Variants in OR6Y1 observed in about 807,000 individuals in gnomAD.
The protein encoded by OR6Y1 is olfactory receptor 6Y1.
In OR6Y1, 1 loss-of-function variant was observed where a neutral mutation model predicts 0.4. The ratio of observed to expected loss-of-function variants is 2.74; its 90% CI spans 0.97 to 13.02. OR6Y1 has a LOEUF of 13.02. Among genes scored for constraint, OR6Y1 ranks in the 30% most tolerant of loss-of-function variants. OR6Y1 has a pLI of 0.12. For synonymous variants in OR6Y1, 173 were observed against 141.1 expected (o/e 1.23, Z -1.60); for missense variants, 480 against 399.8 (o/e 1.20, Z -1.71).
intron 1 of OR6Y1, among the ~76,000 whole-genome samples, chr1:158,553,491 G>C (rs966128533): frequency 1.3e-5 from 2 of 151,822 alleles, no homozygotes; most frequent in Admixed American, 6.6e-5. Flanking sequence ...ATCTGATCAT[G>C]GTTCATTATA....
rs1053926692 is a variant in OR6Y1 at position 158,554,255 on chromosome 1, T to C, written c.-1433+11A>G. 3.3e-5 allele frequency: 5 copies of C among 152,264 alleles called. No individual in the cohort carries two copies. The highest frequency in any genetic ancestry group is 9.6e-5 in the African/African-American group (4 of 41,470). The allele number at this position is 152,264 out of a possible 1,614,324, so 9.4% of individuals were successfully genotyped here. A position where few individuals can be genotyped will look rare whatever the true frequency, so the allele number is the denominator to read the frequency against. On this transcript the variant is annotated intron_variant, in intron 1 of 1. Coordinates refer to ENST00000641622, the MANE Select transcript of OR6Y1 (RefSeq NM_001005189.2). ...CTTTGGAAATATCTGAGAGTCTTTTTTTCAACTCACCATTTTCTCAGGAAT... is the reference window on the plus strand; with the variant it reads ...CTTTGGAAATATCTGAGAGTCTTTTCTTCAACTCACCATTTTCTCAGGAAT...
chr1:158,547,492 A>T lies in OR6Y1; in HGVS notation c.614T>A (p.Phe205Tyr). The T allele has an allele frequency of 6.2e-7, 1 of 1,613,576 alleles. No homozygotes were observed. ...AGCAATGACCATGAGGGCCAAGAAG[A>T]AGTCCACCATCTCAGCCTGTGAGGC... The part of the protein sequence containing the change: ...EDASQAEMVD[F>Y]FLALMVIAIP... The change falls in exon 2 of 2, where the codon TTC becomes TAC. Residue 205 changes from phenylalanine to tyrosine, a missense_variant. Transcript: ENST00000641622.
Position 158,548,174 on chromosome 1 carries a change from T to C in OR6Y1, c.-69A>G. On this transcript the variant is annotated 5_prime_UTR_variant, in exon 2 of 2. Coordinates refer to ENST00000641622, the MANE Select transcript of OR6Y1 (RefSeq NM_001005189.2). ...AAGCACTAGTCTATGGTTATTTGTA[T>C]TGATAGAGCCCACCACCAGCAAATT... is the stretch of plus-strand genomic sequence containing the variant. The C allele has an allele frequency of 6.7e-7, 1 of 1,486,478 alleles. No individual in the cohort carries two copies. The highest frequency in any genetic ancestry group is 1.3e-5 in the South Asian group (1 of 75,064). The allele number at this position is 1,486,478 out of a possible 1,614,324, so 92.1% of individuals were successfully genotyped here.
In OR6Y1 at chr1:158,547,219, C is replaced by A. The variant is rs138238627; in HGVS notation, c.887G>T (p.Cys296Phe). 48 of 1,613,422 alleles carry A rather than the reference C, an allele frequency of 3.0e-5. 1 individual carries two copies. The African/African-American group carries it at 6.3e-4, about 21-fold the overall frequency. Residue 296 changes from cysteine to phenylalanine, a missense_variant, in exon 2 of 2, where the codon TGT becomes TTT. By Grantham distance (205) the Cys-to-Phe change is radical. Coordinates refer to ENST00000641622, the MANE Select transcript of OR6Y1 (RefSeq NM_001005189.2). ...TGCCTTTACTTCATGGTTCCTCAGA[C>A]AGTAAATGATGGGGTTGAGGAGTGG... is the stretch of plus-strand genomic sequence containing the variant. ...IVPLLNPIIY[C>F]LRNHEVKAAL...
At chr1:158,553,575 G>GAAA (rs949163772) in intron 1 of OR6Y1, among the ~76,000 whole-genome samples, 1 of 151,560 alleles carries the variant, frequency 6.6e-6, no homozygotes, top group African/African-American at 2.4e-5. Context: ...AAAAATAAAA[G>GAAA]AAAAAATGTA....
rs375656975 is a variant in OR6Y1 at position 158,548,884 on chromosome 1, C to T, written c.-779G>A. On this transcript the variant is annotated 5_prime_UTR_variant, in exon 2 of 2. In the 5' UTR this introduces an upstream ATG that the reference lacks. Coordinates refer to ENST00000641622, the MANE Select transcript of OR6Y1 (RefSeq NM_001005189.2). The stretch of plus-strand genomic sequence containing the variant: ...AATGGGGATAATACAATGGGGTTCA[C>T]ATTTTGTGAACATCAAATGGGATTT... 22 of 151,726 alleles carry T rather than the reference C, an allele frequency of 1.4e-4. No individual in the cohort carries two copies. Among genetic ancestry groups the T allele is most frequent in the Admixed American group, 9.8e-4 (15 of 15,234 alleles). 9.4% of individuals were successfully genotyped at this position (151,726 alleles called of 1,614,324 possible).
In OR6Y1 at chr1:158,546,996, C is replaced by A; in HGVS notation, c.*132G>T. On this transcript the variant is annotated 3_prime_UTR_variant, in exon 2 of 2. Coordinates refer to ENST00000641622, the MANE Select transcript of OR6Y1 (RefSeq NM_001005189.2). The stretch of plus-strand genomic sequence containing the variant: ...TCATGATTGTGTATACACACACACA[C>A]ACATGCACACACACACAGAGGAGAG... 2 of 824,314 alleles carry A rather than the reference C, an allele frequency of 2.4e-6. No individual in the cohort carries two copies. Among genetic ancestry groups the A allele is most frequent in the East Asian group, 2.5e-5 (1 of 39,930 alleles). The allele number at this position is 824,314 out of a possible 1,614,324, so 51.1% of individuals were successfully genotyped here.
rs1212480516 is a variant in OR6Y1, at chr1:158,545,354, C to CA, written c.*1773dup. On this transcript the variant is annotated 3_prime_UTR_variant, in exon 2 of 2. Coordinates refer to ENST00000641622, the MANE Select transcript of OR6Y1 (RefSeq NM_001005189.2). Reference sequence around the variant, plus strand: ...GGGTGGGGGGAGGGGGGAGGGATAGCATTAGGAGATATACCTAATGCTAAA... The same window carrying CA: ...GGGTGGGGGGAGGGGGGAGGGATAGCAATTAGGAGATATACCTAATGCTAAA... The CA allele has an allele frequency of 6.7e-6, 1 of 149,866 alleles. No homozygotes were observed. Among genetic ancestry groups the CA allele is most frequent in the Non-Finnish European group, 1.5e-5 (1 of 67,514 alleles). The allele number at this position is 149,866 out of a possible 1,614,324, so 9.3% of individuals were successfully genotyped here.
Position 158,545,607 on chromosome 1 carries a change from G to A in OR6Y1, c.*1521C>T, listed in dbSNP as rs1258716487. The A allele has an allele frequency of 1.2e-4, 18 of 151,940 alleles. No homozygotes were observed. The highest frequency in any genetic ancestry group is 1.2e-3 in the Admixed American group (18 of 15,258). The allele number at this position is 151,940 out of a possible 1,614,324, so 9.4% of individuals were successfully genotyped here. ...GTATGTTTTCTTTTGAAAAGTGTCT[G>A]TTCACATCCTTTGCCCACTTTTAAA... On this transcript the variant is annotated 3_prime_UTR_variant, in exon 2 of 2. Coordinates refer to ENST00000641622, the MANE Select transcript of OR6Y1 (RefSeq NM_001005189.2).
chr1:158,547,163 T>A lies in OR6Y1; in HGVS notation c.943A>T (p.Ser315Cys). 5.0e-6 allele frequency: 8 copies of A among 1,613,334 alleles called. No individual in the cohort carries two copies. The South Asian group carries it at 5.5e-5, about 11-fold the overall frequency. The change falls in exon 2 of 2, where the codon AGT (serine) becomes TGT (cysteine). Residue 315 changes from serine to cysteine, a missense_variant. Ser to Cys is a moderately radical substitution (Grantham distance 112, BLOSUM62 -1). Coordinates refer to ENST00000641622, the MANE Select transcript of OR6Y1 (RefSeq NM_001005189.2). ...ALRKTIHCRG[S>C]GPQGNGAFSS ...AAAGCCCCATTTCCCTGGGGCCCAC[T>A]TCCTCTGCAATGTATGGTCTTTCTG... is the stretch of plus-strand genomic sequence containing the variant.
At chr1:158,551,847 G>A (rs1369472085) in intron 1 of OR6Y1, among the ~76,000 whole-genome samples, 1 of 149,852 alleles carries the variant, frequency 6.7e-6, no homozygotes, top group East Asian at 1.9e-4. Context: ...AACCTGAGAG[G>A]TAATATGATT....
chr1:158,544,726 C>T lies in OR6Y1; in HGVS notation c.*2402G>A, dbSNP rs1445925492. The T allele has an allele frequency of 6.6e-6, 1 of 152,154 alleles. No homozygotes were observed. The highest frequency in any genetic ancestry group is 1.5e-5 in the Non-Finnish European group (1 of 68,036). 9.4% of individuals were successfully genotyped at this position (152,154 alleles called of 1,614,324 possible). On this transcript the variant is annotated 3_prime_UTR_variant, in exon 2 of 2. Transcript: ENST00000641622. ...CTCTAATGGGCCCCTACTGTGTTCC[C>T]TACTGTGTGTCCAAGAGTTCTCATC...
At position 158,548,434 on chromosome 1, in the gene OR6Y1, A is replaced by T. The variant is rs1188545085; in HGVS notation, c.-329T>A. On this transcript the variant is annotated 5_prime_UTR_variant, in exon 2 of 2. Transcript: ENST00000641622. Reference sequence around the variant, plus strand: ...TGGGCACATAAATGGTCTCCAGACCACCCTTTCACTACAGGCAAAACATCC... The same window carrying T: ...TGGGCACATAAATGGTCTCCAGACCTCCCTTTCACTACAGGCAAAACATCC... The T allele has an allele frequency of 5.0e-6, 1 of 198,234 alleles. No homozygotes were observed. The highest frequency in any genetic ancestry group is 2.4e-5 in the African/African-American group (1 of 42,054). The allele number at this position is 198,234 out of a possible 1,614,324, so 12.3% of individuals were successfully genotyped here. A position where few individuals can be genotyped will look rare whatever the true frequency, so the allele number is the denominator to read the frequency against.
At chr1:158,553,034 T>C (rs1439726284) in intron 1 of OR6Y1, among the ~76,000 whole-genome samples, 1 of 152,182 alleles carries the variant, frequency 6.6e-6, no homozygotes, top group East Asian at 1.9e-4. Context: ...CACCTCTCCG[T>C]TTCTACTGTG....
In OR6Y1 at chr1:158,546,363, C is replaced by T. The variant is rs1202052527; in HGVS notation, c.*765G>A. Reference sequence around the variant, plus strand: ...TGTTTATATACTTAACTTGTTTTTCCATTGAGAGTTTAATTTTTATAAGTT... The same window carrying T: ...TGTTTATATACTTAACTTGTTTTTCTATTGAGAGTTTAATTTTTATAAGTT... On this transcript the variant is annotated 3_prime_UTR_variant, in exon 2 of 2. Coordinates refer to ENST00000641622, the MANE Select transcript of OR6Y1 (RefSeq NM_001005189.2). 1.3e-5 allele frequency: 2 copies of T among 152,062 alleles called. No homozygotes were observed. The highest frequency in any genetic ancestry group is 3.9e-4 in the East Asian group (2 of 5,178). 9.4% of individuals were successfully genotyped at this position (152,062 alleles called of 1,614,324 possible).
chr1:158,547,034 A>G lies in OR6Y1; in HGVS notation c.*94T>C. Reference sequence around the variant, plus strand: ...ACACAGAGGAGAGCAGTGTTACAGTACTGGAGATTGGGGGATAACCAAAGA... The same window carrying G: ...ACACAGAGGAGAGCAGTGTTACAGTGCTGGAGATTGGGGGATAACCAAAGA... On this transcript the variant is annotated 3_prime_UTR_variant, in exon 2 of 2. Coordinates refer to ENST00000641622, the MANE Select transcript of OR6Y1 (RefSeq NM_001005189.2). 4 of 1,197,932 alleles carry G rather than the reference A, an allele frequency of 3.3e-6. No individual in the cohort carries two copies. The highest frequency in any genetic ancestry group is 4.7e-5 in the East Asian group (2 of 42,884). The allele number at this position is 1,197,932 out of a possible 1,614,324, so 74.2% of individuals were successfully genotyped here. A position where few individuals can be genotyped will look rare whatever the true frequency, so the allele number is the denominator to read the frequency against.
chr1:158,548,046 C>A lies in OR6Y1; in HGVS notation c.60G>T (p.Leu20=). The part of the protein sequence containing the change: ...NHTVTTRFIL[L]GFPTRPAFQL... ...GGAAGGCTGGTCGTGTTGGAAACCC[C>A]AGAAGAATGAAACGTGTTGTCACTG... Residue 20 remains leucine, a synonymous_variant, in exon 2 of 2, where the codon CTG becomes CTT. Coordinates refer to ENST00000641622, the MANE Select transcript of OR6Y1 (RefSeq NM_001005189.2). 1 of 1,613,532 alleles carries A rather than the reference C, an allele frequency of 6.2e-7. No homozygotes were observed. Among genetic ancestry groups the A allele is most frequent in the South Asian group, 1.1e-5 (1 of 91,082 alleles).
rs929731101 is a variant in OR6Y1, at chr1:158,552,242, A to G, written c.-1433+2024T>C. Among the ~76,000 whole-genome samples the G allele has an allele frequency of 7.5e-4, 85 of 113,058 alleles. 2 individuals are homozygous for G. The South Asian group carries it at 8.7e-3, about 12-fold the overall frequency. The allele number at this position is 113,058 out of a possible 152,430, so 74.2% of individuals were successfully genotyped here. A position where few individuals can be genotyped will look rare whatever the true frequency, so the allele number is the denominator to read the frequency against. On this transcript the variant is annotated intron_variant, in intron 1 of 1. Transcript: ENST00000641622. ...TGTATGTATGGAGATATATATATGT[A>G]TATATATATATATATATATGGCCAG... is the stretch of plus-strand genomic sequence containing the variant.
In OR6Y1 at chr1:158,547,096, C is replaced by T; in HGVS notation, c.*32G>A. The T allele has an allele frequency of 1.3e-6, 2 of 1,584,780 alleles. No homozygotes were observed. Among genetic ancestry groups the T allele is most frequent in the East Asian group, 2.2e-5 (1 of 44,800 alleles). On this transcript the variant is annotated 3_prime_UTR_variant, in exon 2 of 2. Coordinates refer to ENST00000641622, the MANE Select transcript of OR6Y1 (RefSeq NM_001005189.2). ...GGGAAAGTGTGTAGTGATCATCTCTCAGTTCAAGCCTGAAAGGAATCTATA... is the reference window on the plus strand; with the variant it reads ...GGGAAAGTGTGTAGTGATCATCTCTTAGTTCAAGCCTGAAAGGAATCTATA...
Sources: allele counts gnomAD v4.1 joint callset (sites outside exome capture counted in the v4.1 genomes callset), GRCh38; gene constraint gnomAD v4.1.1; transcripts MANE v1.5; gene names NCBI Gene and HGNC (gene_info 2026-07-23, HGNC 2026-07-21).